The following POLR2F variants were observed in gnomAD, a reference collection of about 807,000 sequenced individuals.
POLR2F encodes the protein RNA polymerase II, I and III subunit F.
POLR2F carries 12 observed loss-of-function variants against 22.7 expected under a neutral mutation model. The observed-to-expected ratio is 0.53, with a 90% CI of 0.34 to 0.86. POLR2F has a LOEUF of 0.86. Ranked by LOEUF, POLR2F falls within the 40% of genes least tolerant of loss-of-function variation. POLR2F has a pLI of 0.02. For synonymous variants in POLR2F, 57 were observed against 66.0 expected, an observed-to-expected ratio of 0.86 and a Z score of 0.66; for missense variants, 126 against 171.5, an observed-to-expected ratio of 0.73 and a Z score of 1.48.
intron 1 of POLR2F, among the ~76,000 whole-genome samples, chr22:38,001,127 A>T (rs984203962): frequency 3.1e-4 from 47 of 152,122 alleles, no homozygotes; most frequent in African/African-American, 1.1e-3. Context: ...CACTCCTGAG[A>T]GCCCTTCTTT....
rs776986562 is a variant in POLR2F, at chr22:37,959,439, C to T, written c.184C>T (p.Arg62Ter). 5 of 1,614,014 alleles carry T rather than the reference C, an allele frequency of 3.1e-6. No individual in the cohort carries two copies. The highest frequency in any genetic ancestry group is 4.5e-5 in the East Asian group (2 of 44,878). Residue 62 changes from arginine (R) to a stop codon, truncating the protein, a stop_gained, in exon 3 of 5, where the codon CGA (arginine) becomes TGA (stop). Coordinates refer to ENST00000442738, the MANE Select transcript of POLR2F (RefSeq NM_021974.5). LOFTEE classifies it high-confidence loss of function. ...CACACCATACATGACCAAGTACGAG[C>T]GAGCCCGCGTGCTGGGCACCCGAGC... ...ITTPYMTKYE[R>*]ARVLGTRALQ...
chr22:37,986,043 G>T, upstream of POLR2F: 1 of 1,352,502 alleles, frequency 7.4e-7, no homozygotes, highest in South Asian at 1.9e-5. This position sits in a 1 kb window ranked among gnomAD's most constrained non-coding sequence, Gnocchi z 4.7. Flanking sequence ...TCTCTTCCCT[G>T]TGCCCAGACT....
At chr22:38,022,765 C>G (rs950247543) in intron 1 of POLR2F, among the ~76,000 whole-genome samples, 82 of 151,750 alleles carry the variant, frequency 5.4e-4, no homozygotes, top group African/African-American at 1.8e-3. Flanking sequence ...GTAATCCCAG[C>G]ACTTTGGGAG....
At chr22:37,986,179 G>A (rs770097445), upstream of POLR2F, 47 of 1,542,652 alleles carry the variant, frequency 3.0e-5, no homozygotes, top group Middle Eastern at 1.7e-4. This position sits in a 1 kb window ranked among gnomAD's most constrained non-coding sequence, Gnocchi z 4.7. Context: ...AGAACCGCCC[G>A]GAGAGGAGCC....
At chr22:37,976,336 CG>C (rs1932219454) in intron 4 of POLR2F, among the ~76,000 whole-genome samples, 1 of 152,222 alleles carries the variant, frequency 6.6e-6, no homozygotes, top group Admixed American at 6.5e-5. Flanking sequence ...GCTGGGACTG[CG>C]GGCGCATTCC....
At chr22:37,979,879 G>C (rs1932342488) in intron 4 of POLR2F, among the ~76,000 whole-genome samples, 1 of 152,092 alleles carries the variant, frequency 6.6e-6, no homozygotes, top group Non-Finnish European at 1.5e-5. Context: ...TGTCAGTCCA[G>C]AGGGCTTGTC....
intron 1 of POLR2F, among the ~76,000 whole-genome samples, chr22:38,021,562 T>C (rs2084960373): frequency 6.6e-6 from 1 of 152,152 alleles, no homozygotes; most frequent in Non-Finnish European, 1.5e-5. Context: ...GCTCAGGTGA[T>C]GCTCTCACCT....
At chr22:37,986,164 G>A, upstream of POLR2F, 2 of 1,537,830 alleles carry the variant, frequency 1.3e-6, no homozygotes, top group Non-Finnish European at 1.7e-6. The surrounding 1 kb of genome is among the most constrained non-coding windows in gnomAD (Gnocchi z 4.7). Context: ...CGCCCGCTCG[G>A]CCTCAGAACC....
intron 1 of POLR2F, among the ~76,000 whole-genome samples, chr22:38,008,311 A>G (rs2084840955): frequency 6.6e-6 from 1 of 152,042 alleles, no homozygotes; most frequent in South Asian, 2.1e-4. Flanking sequence ...CCACTTTGAG[A>G]GCCCCAGGTG....
intron 1 of POLR2F, among the ~76,000 whole-genome samples, chr22:38,019,730 G>T (rs1017311523): frequency 2.0e-5 from 3 of 152,208 alleles, no homozygotes; most frequent in African/African-American, 7.2e-5. Context: ...AAGTCTAGTG[G>T]GGCTGGGCAT....
At chr22:37,983,703 C>T, upstream of POLR2F, 2 of 1,515,116 alleles carry the variant, frequency 1.3e-6, no homozygotes, top group Non-Finnish European at 8.8e-7. This position sits in a 1 kb window ranked among gnomAD's most constrained non-coding sequence, Gnocchi z 9.5. Context: ...AGCGAGGGCG[C>T]GCTCCCCGGG....
intron 1 of POLR2F, among the ~76,000 whole-genome samples, chr22:38,007,831 G>T (rs371834506): frequency 2.0e-5 from 3 of 152,396 alleles, no homozygotes; most frequent in African/African-American, 7.2e-5. Flanking sequence ...GGCTCCCTGT[G>T]ATGGGGCAGC....
rs560928855 is a variant in POLR2F, at chr22:37,960,888, G to A, written c.221+1412G>A. ...TTTTGAGATGGAGTCTCGCTCTGTCGCCCAAGCTGGAGTGCCGTGGCGTGA... is the reference window on the plus strand; with the variant it reads ...TTTTGAGATGGAGTCTCGCTCTGTCACCCAAGCTGGAGTGCCGTGGCGTGA... On this transcript the variant is annotated intron_variant, in intron 3 of 4. Transcript: ENST00000442738. Among the ~76,000 whole-genome samples, 3 of 136,520 alleles carry A rather than the reference G, an allele frequency of 2.2e-5. No individual in the cohort carries two copies. In the South Asian group the frequency reaches 6.9e-4, roughly 31 times the overall value. 89.6% of individuals were successfully genotyped at this position (136,520 alleles called of 152,430 possible).
downstream of POLR2F, chr22:37,974,265 G>A (rs539294238): frequency 1.3e-5 from 16 of 1,246,350 alleles, no homozygotes; most frequent in East Asian, 2.3e-4. This position sits in a 1 kb window ranked among gnomAD's most constrained non-coding sequence, Gnocchi z 5.4. Context: ...GTGGGCGCAC[G>A]TGAACTTCCA....
intron 2 of POLR2F, among the ~76,000 whole-genome samples, chr22:37,957,635 C>G (rs569944837): frequency 8.5e-5 from 13 of 152,266 alleles, no homozygotes; most frequent in Admixed American, 2.0e-4. Flanking sequence ...GAGTCAGATG[C>G]GTCCTTCTCC....
At chr22:37,992,646 G>T (rs970915923) in intron 1 of POLR2F, among the ~76,000 whole-genome samples, 4 of 152,100 alleles carry the variant, frequency 2.6e-5, no homozygotes, top group African/African-American at 4.8e-5. Context: ...TGATTCGCCC[G>T]CCTCGGCCTC....
chr22:38,031,160 C>T (rs1601917802), downstream of POLR2F, among the ~76,000 whole-genome samples: 2 of 152,256 alleles, frequency 1.3e-5, no homozygotes, highest in Middle Eastern at 3.4e-3. This position sits in a 1 kb window ranked among gnomAD's most constrained non-coding sequence, Gnocchi z 4.1. Context: ...TCTTCCAAGA[C>T]GCAGGGGTTA....
chr22:38,010,268 G>A (rs1284372329), intron 1 of POLR2F, among the ~76,000 whole-genome samples: 1 of 151,976 alleles, frequency 6.6e-6, no homozygotes, highest in East Asian at 1.9e-4. Flanking sequence ...CCAGCTACTC[G>A]GGAGGCTGAG....
At chr22:38,025,611 G>C (rs2085001242) in intron 1 of POLR2F, 2 of 1,546,954 alleles carry the variant, frequency 1.3e-6, no homozygotes, top group South Asian at 1.2e-5. Context: ...ACAGTGCTGA[G>C]ACCCTCCTAC....
Sources: allele counts gnomAD v4.1 joint callset (sites outside exome capture counted in the v4.1 genomes callset), GRCh38; gene constraint gnomAD v4.1.1; non-coding constraint Gnocchi (gnomAD v3.1); transcripts MANE v1.5; gene names NCBI Gene and HGNC (gene_info 2026-07-23, HGNC 2026-07-21).